Variants in CHEK2 observed in about 807,000 individuals in gnomAD.
CHEK2 encodes checkpoint kinase 2.
Under a neutral mutation model 69.1 loss-of-function variants are expected in CHEK2, and 71 were observed. The ratio of observed to expected loss-of-function variants is 1.03; its 90% CI spans 0.85 to 1.25. The LOEUF is 1.25. Among genes scored for constraint, CHEK2 ranks in the 50% most tolerant of loss-of-function variants. The pLI, the probability that CHEK2 is intolerant of heterozygous loss-of-function variation, is 0.00. For missense variants in CHEK2, 664 were observed against 649.6 expected, an observed-to-expected ratio of 1.02 and a Z score of -0.24; for synonymous variants, 189 against 226.9, an observed-to-expected ratio of 0.83 and a Z score of 1.50.
intron 10 of CHEK2, 147 bp from the exon 11 acceptor site, chr22:28,696,020 A>G: frequency 2.9e-6 from 2 of 693,896 alleles, no homozygotes; most frequent in Non-Finnish European, 5.1e-6. Context: ...TTACAGATTC[A>G]TGTCTTTGCA....
intron 8 of CHEK2, among the ~76,000 whole-genome samples, chr22:28,701,521 T>C (rs1243343378): frequency 6.6e-6 from 1 of 152,140 alleles, no homozygotes; most frequent in Non-Finnish European, 1.5e-5. Flanking sequence ...CTGTTGTCTA[T>C]ACAGTCTTAA....
At chr22:28,704,311 C>CT (rs538567741) in intron 7 of CHEK2, among the ~76,000 whole-genome samples, 15 of 147,888 alleles carry the variant, frequency 1.0e-4, no homozygotes, top group South Asian at 2.1e-4. Flanking sequence ...ATTTTTCTTT[C>CT]TTTTTTTTTT....
At chr22:28,714,616 G>C (rs1480330034) in intron 5 of CHEK2, among the ~76,000 whole-genome samples, 1 of 151,998 alleles carries the variant, frequency 6.6e-6, no homozygotes, top group African/African-American at 2.4e-5. Context: ...GGTATCTTTT[G>C]AGGCACAAAA....
chr22:28,730,833 G>A (rs2054193186), intron 2 of CHEK2, among the ~76,000 whole-genome samples: 1 of 152,120 alleles, frequency 6.6e-6, no homozygotes, highest in Non-Finnish European at 1.5e-5. Flanking sequence ...AATCCAGCCT[G>A]GTGACAGAGC....
At chr22:28,729,827 G>A (rs2146105392) in intron 2 of CHEK2, among the ~76,000 whole-genome samples, 1 of 152,098 alleles carries the variant, frequency 6.6e-6, no homozygotes, top group Non-Finnish European at 1.5e-5. Flanking sequence ...ATAGCTTGCT[G>A]CAGTCTCCAA....
At chr22:28,737,205 G>A in intron 1 of CHEK2, 1 of 453,150 alleles carries the variant, frequency 2.2e-6, no homozygotes. Context: ...TATAAATTAT[G>A]CACAACTTTC....
At chr22:28,701,954 AT>A (rs35082981) in intron 8 of CHEK2, among the ~76,000 whole-genome samples, 2,010 of 145,722 alleles carry the variant, frequency 0.014, 41 homozygotes, top group African/African-American at 0.046. Flanking sequence ...CCCATATACT[AT>A]TTTTTTTTTT....
chr22:28,715,773 T>C (rs2053566275), intron 5 of CHEK2, among the ~76,000 whole-genome samples: 1 of 152,170 alleles, frequency 6.6e-6, no homozygotes, highest in Non-Finnish European at 1.5e-5. Context: ...CCTGACTCAT[T>C]TGAGTTGAGT....
At chr22:28,700,075 A>G (rs2052779194) in intron 8 of CHEK2, 138 bp from the exon 9 acceptor site, 1 of 656,612 alleles carries the variant, frequency 1.5e-6, no homozygotes, top group Non-Finnish European at 2.7e-6. Flanking sequence ...CTCATTTTTA[A>G]AACTAATAAG....
intron 2 of CHEK2, among the ~76,000 whole-genome samples, chr22:28,731,803 C>T (rs2054225779): frequency 6.6e-6 from 1 of 152,092 alleles, no homozygotes; most frequent in Admixed American, 6.6e-5. Flanking sequence ...GCTGGGATTA[C>T]AGTTGAGAGC....
At chr22:28,731,558 T>C (rs1035328172) in intron 2 of CHEK2, among the ~76,000 whole-genome samples, 1 of 152,164 alleles carries the variant, frequency 6.6e-6, no homozygotes, top group African/African-American at 2.4e-5. Context: ...ATCGTACCAC[T>C]GCACTCCAGC....
intron 2 of CHEK2, among the ~76,000 whole-genome samples, chr22:28,731,690 T>G (rs1432807804): frequency 6.6e-6 from 1 of 152,120 alleles, no homozygotes; most frequent in African/African-American, 2.4e-5. Context: ...TTACTTGTCT[T>G]TTTTTGTTTT....
chr22:28,709,534 G>C (rs749139736), intron 7 of CHEK2, among the ~76,000 whole-genome samples: 1 of 152,196 alleles, frequency 6.6e-6, no homozygotes, highest in Non-Finnish European at 1.5e-5. Context: ...ACTCTTCCCA[G>C]CTAAATGACA....
chr22:28,693,676 C>T (rs1157639762), intron 13 of CHEK2, among the ~76,000 whole-genome samples: 4 of 152,074 alleles, frequency 2.6e-5, no homozygotes, highest in African/African-American at 7.2e-5. Context: ...CTGGCCAGCA[C>T]GGCGAAACCC....
chr22:28,689,710 G>C (rs543342887), intron 13 of CHEK2, among the ~76,000 whole-genome samples: 1 of 152,132 alleles, frequency 6.6e-6, no homozygotes, highest in African/African-American at 2.4e-5. Context: ...AAGTACTTAA[G>C]CCCACAGTAT....
At chr22:28,705,647 C>T (rs1053835285) in intron 7 of CHEK2, among the ~76,000 whole-genome samples, 3 of 151,994 alleles carry the variant, frequency 2.0e-5, no homozygotes, top group African/African-American at 4.8e-5. Flanking sequence ...AGCAAGGGGC[C>T]GGGCGCAGTG....
In CHEK2 at chr22:28,731,334, C is replaced by T. The variant is rs189786491; in HGVS notation, c.319+3069G>A. On this transcript the variant is annotated intron_variant, in intron 2 of 14. Coordinates refer to ENST00000404276, the MANE Select transcript of CHEK2 (RefSeq NM_007194.4). ...ACAGCCTCGGCCAGACGTGGTGGCT[C>T]GCGCCTGTAATCCCACCACTTTGGG... is the stretch of plus-strand genomic sequence containing the variant. Among the ~76,000 whole-genome samples, 13 of 152,274 alleles carry T rather than the reference C, an allele frequency of 8.5e-5. 1 individual carries two copies. The highest frequency in any genetic ancestry group is 8.5e-4 in the Admixed American group (13 of 15,278).
At chr22:28,712,385 A>C in intron 5 of CHEK2, 1 of 297,368 alleles carries the variant, frequency 3.4e-6, no homozygotes, top group Non-Finnish European at 6.3e-6. Flanking sequence ...ATAAGTGCCC[A>C]AAACAAACAA....
chr22:28,737,474 C>CTTT, intron 1 of CHEK2, among the ~76,000 whole-genome samples: 1 of 137,348 alleles, frequency 7.3e-6, no homozygotes, highest in Non-Finnish European at 1.6e-5. Context: ...CTGATTATTT[C>CTTT]TTTTTTTTTT....
Sources: gnomAD v4.1 joint callset for allele counts (sites outside exome capture counted in the v4.1 genomes callset) on GRCh38, gnomAD v4.1.1 for gene constraint, MANE v1.5 for transcripts, NCBI Gene and HGNC (gene_info 2026-07-23, HGNC 2026-07-21) for gene names.